ANKK1: variants seen among roughly 807,000 people sequenced by gnomAD.
ANKK1 encodes the protein ankyrin repeat and kinase domain containing 1.
ANKK1 carries 37 observed loss-of-function variants against 37.6 expected under a neutral mutation model. The ratio of observed to expected loss-of-function variants is 0.98; its 90% CI spans 0.76 to 1.29. The LOEUF (loss-of-function observed/expected upper bound fraction) is 1.29. Ranked by LOEUF, ANKK1 falls within the 50% of genes most tolerant of loss-of-function variation. The pLI, the probability that ANKK1 is intolerant of heterozygous loss-of-function variation, is 0.00. For synonymous variants in ANKK1, 415 were observed against 418.7 expected, an observed-to-expected ratio of 0.99 and a Z score of 0.11; for missense variants, 1,019 against 990.6, an observed-to-expected ratio of 1.03 and a Z score of -0.39.
chr11:113,398,129 C>T (rs1950654528), intron 7 of ANKK1, 113 bp downstream of exon 7: 1 of 1,289,978 alleles, frequency 7.8e-7, no homozygotes, highest in Non-Finnish European at 1.1e-6. Context: ...GCCTATCACA[C>T]ATCCAGGGTT....
At position 113,399,966 on chromosome 11, in the gene ANKK1, C is replaced by T. The variant is rs1447155082; in HGVS notation, c.1997C>T (p.Ala666Val). Residue 666 changes from alanine (A) to valine (V), a missense_variant, in exon 8 of 8, where the codon GCG (alanine) becomes GTG (valine). Ala to Val is a moderately conservative substitution (Grantham distance 64). Transcript: ENST00000303941. ...EQSGWTPLHL[A>V]VQRSTFLSVI... ...TCAGGCTGGACACCCCTCCACCTGG[C>T]GGTCCAGAGGAGCACCTTCCTGAGT... The T allele has an allele frequency of 5.0e-6, 8 of 1,613,648 alleles. No individual in the cohort carries two copies. Among genetic ancestry groups the T allele is most frequent in the Admixed American group, 3.3e-5 (2 of 60,030 alleles).
intron 1 of ANKK1, among the ~76,000 whole-genome samples, chr11:113,391,858 A>G (rs533958767): frequency 3.9e-5 from 6 of 152,304 alleles, no homozygotes; most frequent in African/African-American, 1.4e-4. Flanking sequence ...GAAAACAGAG[A>G]GGAAGTGACC....
At position 113,393,792 on chromosome 11, in the gene ANKK1, A is replaced by G. The variant is rs1403062159; in HGVS notation, c.480+17A>G. On this transcript the variant is annotated intron_variant, in intron 2 of 7. Transcript: ENST00000303941. ...CATGTCAAAGTAAGGGCTCTGGCCA[A>G]TCCTCCGCTCCCTTTCACTTGAGGG... 1 of 1,577,738 alleles carries G rather than the reference A, an allele frequency of 6.3e-7. No individual in the cohort carries two copies.
At chr11:113,395,973 G>C (rs1950634396) in intron 4 of ANKK1, 94 bp from the exon 5 acceptor site, 2 of 1,445,192 alleles carry the variant, frequency 1.4e-6, no homozygotes, top group South Asian at 2.6e-5. Flanking sequence ...CTGCGTGCAT[G>C]CCCTGTTGGG....
At chr11:113,395,241 G>A (rs1343846858) in intron 3 of ANKK1, 118 bp from the exon 4 acceptor site, 2 of 1,502,688 alleles carry the variant, frequency 1.3e-6, no homozygotes, top group African/African-American at 2.8e-5. Context: ...GGAGTACTTT[G>A]GCCGGTGAGG....
intron 2 of ANKK1, among the ~76,000 whole-genome samples, chr11:113,394,365 G>A (rs2138128772): frequency 6.6e-6 from 1 of 152,286 alleles, no homozygotes; most frequent in Middle Eastern, 3.4e-3. Flanking sequence ...CCCCCTATTT[G>A]AATAAGTATT....
At position 113,399,550 on chromosome 11, in the gene ANKK1, G is replaced by A. The variant is rs1381977228; in HGVS notation, c.1581G>A (p.Leu527=). 3.7e-6 allele frequency: 6 copies of A among 1,601,188 alleles called. No homozygotes were observed. The highest frequency in any genetic ancestry group is 1.3e-5 in the African/African-American group (1 of 74,680). ...GAELDAQQRN[L]RTPLHLAVER... is the part of the protein sequence containing the mutation. ...AGTTGGATGCTCAGCAGAGAAACCTGAGAACACCACTGCACCTGGCAGTAG... is the reference window on the plus strand; with the variant it reads ...AGTTGGATGCTCAGCAGAGAAACCTAAGAACACCACTGCACCTGGCAGTAG... The change falls in exon 8 of 8, where the codon CTG becomes CTA. Residue 527 remains leucine, a synonymous_variant. Coordinates refer to ENST00000303941, the MANE Select transcript of ANKK1 (RefSeq NM_178510.2).
At position 113,399,664 on chromosome 11, in the gene ANKK1, C is replaced by T. The variant is rs1950679751; in HGVS notation, c.1695C>T (p.His565=). ...ACCAGAGCGGCTACGGCCCACTGCA[C>T]ACTGCAGCTGCCAGGGGCAAATACC... ...ALDQSGYGPL[H]TAAARGKYLI... is the part of the protein sequence containing the mutation. Residue 565 remains histidine, a synonymous_variant, in exon 8 of 8, where the codon CAC becomes CAT. Transcript: ENST00000303941. The T allele has an allele frequency of 6.2e-6, 10 of 1,600,902 alleles. No individual in the cohort carries two copies. Among genetic ancestry groups the T allele is most frequent in the Admixed American group, 1.7e-5 (1 of 58,294 alleles).
intron 5 of ANKK1, 120 bp downstream of exon 5, chr11:113,396,342 C>CT (rs34716641): frequency 0.053 from 44,051 of 826,192 alleles, 90 homozygotes; most frequent in East Asian, 0.11. Context: ...CCTAGAAGGA[C>CT]TTTTTTTTTT....
At chr11:113,398,102 C>T (rs1413158900) in intron 7 of ANKK1, 86 bp downstream of exon 7, 20 of 1,464,980 alleles carry the variant, frequency 1.4e-5, no homozygotes, top group Non-Finnish European at 1.8e-5. Flanking sequence ...TCCCCCTGGC[C>T]TCCCCCTCAT....
Position 113,399,810 on chromosome 11 carries a change from A to G in ANKK1, c.1841A>G (p.Glu614Gly), listed in dbSNP as rs1401636764. 6.2e-7 allele frequency: 1 copy of G among 1,604,944 alleles called. No individual in the cohort carries two copies. The highest frequency in any genetic ancestry group is 8.5e-7 in the Non-Finnish European group (1 of 1,176,094). The change falls in exon 8 of 8, where the codon GAG (glutamate) becomes GGG (glycine). Residue 614 changes from glutamate to glycine, a missense_variant. Transcript: ENST00000303941. ...CTGGAGATCATCCATCTGCTGGCAGAGAGCCACGCAAACATGGGTGCTCTT... is the reference window on the plus strand; with the variant it reads ...CTGGAGATCATCCATCTGCTGGCAGGGAGCCACGCAAACATGGGTGCTCTT... The part of the protein sequence containing the change: ...GHLEIIHLLA[E>G]SHANMGALGA...
At position 113,395,393 on chromosome 11, in the gene ANKK1, A is replaced by G; in HGVS notation, c.667A>G (p.Lys223Glu). ...AIVIWELLTQ[K>E]KPYSGFNMMM... ...TGTCATCTGGGAGCTACTCACTCAG[A>G]AGAAACCATACTCAGGTAAGCAGGC... Residue 223 changes from lysine (K) to glutamate (E), a missense_variant, in exon 4 of 8, where the codon AAG becomes GAG. By Grantham distance (56) the Lys-to-Glu change is moderately conservative. Transcript: ENST00000303941. 2 of 1,613,922 alleles carry G rather than the reference A, an allele frequency of 1.2e-6. No individual in the cohort carries two copies. The highest frequency in any genetic ancestry group is 2.2e-5 in the South Asian group (2 of 91,062).
At position 113,399,688 on chromosome 11, in the gene ANKK1, C is replaced by A; in HGVS notation, c.1719C>A (p.Tyr573Ter). The A allele has an allele frequency of 8.1e-6, 13 of 1,597,938 alleles. No homozygotes were observed. Among genetic ancestry groups the A allele is most frequent in the Non-Finnish European group, 1.0e-5 (12 of 1,172,448 alleles). ...PLHTAAARGK[Y>*]LICKMLLRYG... ...ACACTGCAGCTGCCAGGGGCAAATA[C>A]CTGATCTGCAAGATGCTGCTCAGGT... The change falls in exon 8 of 8, where the codon TAC becomes TAA. Residue 573 changes from tyrosine (Y) to a stop codon, truncating the protein, a stop_gained. Transcript: ENST00000303941. LOFTEE classifies it low-confidence loss of function (END_TRUNC).
At chr11:113,390,487 C>T (rs1166352216) in intron 1 of ANKK1, among the ~76,000 whole-genome samples, 1 of 152,110 alleles carries the variant, frequency 6.6e-6, no homozygotes, top group Non-Finnish European at 1.5e-5. Flanking sequence ...GCTTGTAATC[C>T]CAGCACTTTG....
In ANKK1 at chr11:113,399,067, C is replaced by T. The variant is rs1388516656; in HGVS notation, c.1098C>T (p.Leu366=). Residue 366 remains leucine (L), a synonymous_variant, in exon 8 of 8, where the codon CTC becomes CTT. Coordinates refer to ENST00000303941, the MANE Select transcript of ANKK1 (RefSeq NM_178510.2). ...TCTATGAGAACAAGGTCACCCCCCT[C>T]CACTTCCTGGTGGCCCAGGGCAGTG... ...LCIYENKVTP[L]HFLVAQGSVE... is the part of the protein sequence containing the mutation. The T allele has an allele frequency of 2.9e-5, 46 of 1,603,186 alleles. No individual in the cohort carries two copies. The highest frequency in any genetic ancestry group is 3.9e-5 in the Non-Finnish European group (46 of 1,174,926).
chr11:113,399,555 C>A lies in ANKK1; in HGVS notation c.1586C>A (p.Thr529Lys). The A allele has an allele frequency of 6.2e-7, 1 of 1,601,840 alleles. No individual in the cohort carries two copies. Among genetic ancestry groups the A allele is most frequent in the South Asian group, 1.1e-5 (1 of 88,628 alleles). ...ELDAQQRNLR[T>K]PLHLAVERGK... ...GATGCTCAGCAGAGAAACCTGAGAA[C>A]ACCACTGCACCTGGCAGTAGAGCGG... Residue 529 changes from threonine to lysine, a missense_variant, in exon 8 of 8, where the codon ACA (threonine) becomes AAA (lysine). Coordinates refer to ENST00000303941, the MANE Select transcript of ANKK1 (RefSeq NM_178510.2).
intron 7 of ANKK1, among the ~76,000 whole-genome samples, chr11:113,398,317 A>G (rs80141781): frequency 1.1e-5 from 1 of 92,588 alleles, no homozygotes; most frequent in African/African-American, 3.7e-5. Context: ...GGGAAATTAA[A>G]AAAAAAAAAA....
rs1565652853 is a variant in ANKK1 at position 113,398,940 on chromosome 11, T to TC, written c.995-23dup. 1.9e-6 allele frequency: 3 copies of TC among 1,543,058 alleles called. No individual in the cohort carries two copies. In the South Asian group the frequency reaches 3.7e-5, roughly 19 times the overall value. On this transcript the variant is annotated intron_variant, in intron 7 of 7. Transcript: ENST00000303941. ...CTGGACGGGTCACAGGTCTTTTTTT[T>TC]CAACCCCATCTTTCTCCCAGCAGAC...
Position 113,399,401 on chromosome 11 carries a change from C to A in ANKK1, c.1432C>A (p.Arg478=). ...ACAGAATAACTTTGAGAATGTGGCA[C>A]GGCTTCTGGTCTCCCGTCAGGCTGA... is the stretch of plus-strand genomic sequence containing the variant. The part of the protein sequence containing the change: ...AAQNNFENVA[R]LLVSRQADPN... Residue 478 remains arginine, a synonymous_variant, in exon 8 of 8, where the codon CGG becomes AGG. Coordinates refer to ENST00000303941, the MANE Select transcript of ANKK1 (RefSeq NM_178510.2). 5 of 1,600,638 alleles carry A rather than the reference C, an allele frequency of 3.1e-6. No individual in the cohort carries two copies. The highest frequency in any genetic ancestry group is 3.4e-6 in the Non-Finnish European group (4 of 1,173,964).
Sources: allele counts gnomAD v4.1 joint callset (sites outside exome capture counted in the v4.1 genomes callset), GRCh38; gene constraint gnomAD v4.1.1; transcripts MANE v1.5; gene names NCBI Gene and HGNC (gene_info 2026-07-23, HGNC 2026-07-21).